PDIA3: variants seen among roughly 807,000 people sequenced by gnomAD.
The protein encoded by PDIA3 is protein disulfide isomerase family A member 3.
A neutral mutation model predicts 56.9 loss-of-function variants in PDIA3; 16 were observed. The ratio of observed to expected loss-of-function variants is 0.28; its 90% confidence interval spans 0.19 to 0.43. The LOEUF is 0.43. PDIA3 is among the 20% of genes least tolerant of loss of function. The probability of loss-of-function intolerance (pLI) is 1.00; values close to 1 mark genes in which losing one functional copy is unlikely to be tolerated. For missense variants in PDIA3, 485 were observed against 621.3 expected (o/e 0.78, Z 2.33); for synonymous variants, 192 against 216.5 (o/e 0.89, Z 0.99).
At chr15:43,761,255 A>C (rs937326352) in intron 3 of PDIA3, among the ~76,000 whole-genome samples, 169 bp from the exon 4 acceptor site, 3 of 151,966 alleles carry the variant, frequency 2.0e-5, no homozygotes, top group African/African-American at 7.2e-5. Flanking sequence ...AAAAAAAAAA[A>C]AAAAACCTGA....
Position 43,765,911 on chromosome 15 carries a change from A to G in PDIA3, c.744A>G (p.Thr248=). 1.9e-6 allele frequency: 3 copies of G among 1,612,742 alleles called. No homozygotes were observed. The highest frequency in any genetic ancestry group is 2.5e-6 in the Non-Finnish European group (3 of 1,179,552). ...ENIFGICPHM[T]EDNKDLIQGK... Reference sequence around the variant, plus strand: ...GTTTTGGTATCTGCCCTCACATGACAGAAGACAATAAAGATTTGATACAGG... The same window carrying G: ...GTTTTGGTATCTGCCCTCACATGACGGAAGACAATAAAGATTTGATACAGG... Residue 248 remains threonine (T), a synonymous_variant, in exon 7 of 13, where the codon ACA becomes ACG. Coordinates refer to ENST00000300289, the MANE Select transcript of PDIA3 (RefSeq NM_005313.5).
At position 43,769,646 on chromosome 15, in the gene PDIA3, G is replaced by C; in HGVS notation, c.1266G>C (p.Lys422Asn). The C allele has an allele frequency of 6.2e-7, 1 of 1,613,974 alleles. No individual in the cohort carries two copies. The highest frequency in any genetic ancestry group is 2.2e-5 in the East Asian group (1 of 44,878). Reference sequence around the variant, plus strand: ...CCAAGTATAAAGAACTTGGCGAGAAGGTAAGTGTGAACCCTATTCTGAGGA... The same window carrying C: ...CCAAGTATAAAGAACTTGGCGAGAACGTAAGTGTGAACCCTATTCTGAGGA... ...LEPKYKELGEKLSKDPNIVIA... is the reference protein window; with the variant it reads ...LEPKYKELGENLSKDPNIVIA... The change falls in exon 10 of 13, where the codon AAG (lysine) becomes AAC (asparagine). Residue 422 changes from lysine to asparagine, a missense_variant and splice_region_variant. Coordinates refer to ENST00000300289, the MANE Select transcript of PDIA3 (RefSeq NM_005313.5).
In PDIA3 at chr15:43,747,463, G is replaced by T. The variant is rs142185461; in HGVS notation, c.167+757G>T. Among the ~76,000 whole-genome samples the T allele has an allele frequency of 2.5e-3, 377 of 152,224 alleles. 3 individuals carry two copies. The highest frequency in any genetic ancestry group is 8.5e-3 in the African/African-American group (354 of 41,526). ...TTTAGGGTGACTTAAGTGATCAAGG[G>T]TGTAAATTCCTTAGATAGAACTAAC... is the stretch of plus-strand genomic sequence containing the variant. On this transcript the variant is annotated intron_variant, in intron 1 of 12. Transcript: ENST00000300289.
intron 1 of PDIA3, chr15:43,747,034 G>A: frequency 2.9e-6 from 1 of 343,242 alleles, no homozygotes; most frequent in Middle Eastern, 8.0e-4. Context: ...GCGTGAGTCA[G>A]TATTAATGCT....
intron 3 of PDIA3, among the ~76,000 whole-genome samples, chr15:43,758,716 CTG>C (rs982788474): frequency 6.6e-6 from 1 of 151,378 alleles, no homozygotes; most frequent in African/African-American, 2.4e-5. Context: ...TAGCTCATGA[CTG>C]TAATCCCAGC....
Position 43,773,203 on chromosome 15 carries a change from T to G in PDIA3, c.*1985T>G. The G allele has an allele frequency of 6.2e-7, 1 of 1,613,934 alleles. No homozygotes were observed. The highest frequency in any genetic ancestry group is 8.5e-7 in the Non-Finnish European group (1 of 1,179,974). On this transcript the variant is annotated 3_prime_UTR_variant, in exon 13 of 13. Coordinates refer to ENST00000300289, the MANE Select transcript of PDIA3 (RefSeq NM_005313.5). Reference sequence around the variant, plus strand: ...GGTGAAGGTACTCACAGCGACGCTTTTCTTCTCTGTAACTTGGGTACTGCT... The same window carrying G: ...GGTGAAGGTACTCACAGCGACGCTTGTCTTCTCTGTAACTTGGGTACTGCT...
intron 1 of PDIA3, among the ~76,000 whole-genome samples, chr15:43,749,913 C>T (rs573222095): frequency 6.6e-6 from 1 of 151,884 alleles, no homozygotes; most frequent in Admixed American, 6.6e-5. Context: ...CACCATTGCA[C>T]TCCAGCCTAA....
At chr15:43,770,929 G>C (rs538826734) in intron 12 of PDIA3, among the ~76,000 whole-genome samples, 176 bp from the exon 13 acceptor site, 1 of 152,244 alleles carries the variant, frequency 6.6e-6, no homozygotes, top group South Asian at 2.1e-4. Context: ...GATTACAGGC[G>C]TGAGCCACCG....
chr15:43,758,851 C>T (rs143006706), intron 3 of PDIA3, among the ~76,000 whole-genome samples: 4 of 151,834 alleles, frequency 2.6e-5, no homozygotes, highest in African/African-American at 7.3e-5. Context: ...GTGGTGCACA[C>T]GTGTAGTCCT....
chr15:43,754,713 A>G (rs1317539139), intron 2 of PDIA3, among the ~76,000 whole-genome samples: 15 of 94,938 alleles, frequency 1.6e-4, no homozygotes, highest in Non-Finnish European at 2.7e-4. Context: ...CCTGTCTCTT[A>G]AAAAAAAAAA....
intron 3 of PDIA3, among the ~76,000 whole-genome samples, chr15:43,758,239 AAAC>A (rs987404108): frequency 1.1e-4 from 17 of 152,296 alleles, no homozygotes; most frequent in Admixed American, 1.3e-4. Flanking sequence ...CTCCGTCTCA[AAAC>A]AACAACAACA....
At chr15:43,770,189 C>A in intron 10 of PDIA3, 61 bp from the exon 11 acceptor site, 1 of 1,301,238 alleles carries the variant, frequency 7.7e-7, no homozygotes, top group Non-Finnish European at 1.1e-6. Context: ...CTTCAATTGA[C>A]TAAGTGTCCC....
chr15:43,748,321 A>C (rs1347333250), intron 1 of PDIA3, among the ~76,000 whole-genome samples: 1 of 152,006 alleles, frequency 6.6e-6, no homozygotes, highest in East Asian at 1.9e-4. Context: ...TCTACTAAAA[A>C]TACGAAATTA....
intron 12 of PDIA3, 24 bp from the exon 13 acceptor site, chr15:43,771,081 T>C (rs373069645): frequency 2.0e-6 from 3 of 1,531,592 alleles, no homozygotes; most frequent in Non-Finnish European, 2.7e-6. Context: ...AGTTACACTT[T>C]TAAGCTGATC....
Position 43,771,754 on chromosome 15 carries a change from A to G in PDIA3, c.*536A>G, listed in dbSNP as rs2086883442. 2.5e-6 allele frequency: 1 copy of G among 397,686 alleles called. No individual in the cohort carries two copies. Among genetic ancestry groups the G allele is most frequent in the African/African-American group, 2.1e-5 (1 of 48,642 alleles). The allele number at this position is 397,686 out of a possible 1,614,324, so 24.6% of individuals were successfully genotyped here. A position where few individuals can be genotyped will look rare whatever the true frequency, so the allele number is the denominator to read the frequency against. ...ACCATACTGGTCACGGCAGCTGTAG[A>G]CTGACTGGGTCCATAGTTCATCACC... On this transcript the variant is annotated 3_prime_UTR_variant, in exon 13 of 13. Coordinates refer to ENST00000300289, the MANE Select transcript of PDIA3 (RefSeq NM_005313.5).
chr15:43,749,882 G>A (rs1222117827), intron 1 of PDIA3, among the ~76,000 whole-genome samples: 2 of 152,070 alleles, frequency 1.3e-5, no homozygotes, highest in African/African-American at 4.8e-5. Flanking sequence ...GGGAGGTGGA[G>A]GTTGCAGGAA....
At chr15:43,747,015 A>G in intron 1 of PDIA3, 1 of 422,880 alleles carries the variant, frequency 2.4e-6, no homozygotes, top group South Asian at 2.8e-5. Flanking sequence ...ATGTAGCTAT[A>G]TCTTTTCTGC....
Position 43,768,587 on chromosome 15 carries a change from G to A in PDIA3, c.1127G>A (p.Gly376Glu), listed in dbSNP as rs776111000. 11 of 1,604,104 alleles carry A rather than the reference G, an allele frequency of 6.9e-6. No individual in the cohort carries two copies. Among genetic ancestry groups the A allele is most frequent in the Non-Finnish European group, 9.4e-6 (11 of 1,171,102 alleles). ...GAACCTATCCCAGAGAGCAATGATG[G>A]GCCTGTGAAGGTGAGGTGCTCACAG... ...KSEPIPESND[G>E]PVKVVVAENF... The change falls in exon 9 of 13, where the codon GGG becomes GAG. Residue 376 changes from glycine to glutamate, a missense_variant. Gly to Glu is a moderately conservative substitution (Grantham distance 98). Transcript: ENST00000300289.
chr15:43,752,631 G>A (rs541776676), intron 1 of PDIA3, among the ~76,000 whole-genome samples: 7 of 152,258 alleles, frequency 4.6e-5, no homozygotes, highest in South Asian at 2.1e-4. Context: ...TTAATAGGCC[G>A]CCTGAAGGCC....
Sources: allele counts gnomAD v4.1 joint callset (sites outside exome capture counted in the v4.1 genomes callset), GRCh38; gene constraint gnomAD v4.1.1; transcripts MANE v1.5; gene names NCBI Gene and HGNC (gene_info 2026-07-23, HGNC 2026-07-21).